Variants in TMBIM1 observed in about 807,000 individuals in gnomAD.
The protein encoded by TMBIM1 is transmembrane BAX inhibitor motif containing 1.
Under a neutral mutation model 45.1 loss-of-function variants are expected in TMBIM1, and 34 were observed. That is an observed-to-expected ratio of 0.75 (90% CI 0.57 to 1.00). The LOEUF (loss-of-function observed/expected upper bound fraction) is 1.00, where lower values mean the gene tolerates loss of function less well. Among genes scored for constraint, TMBIM1 ranks in the 50% least tolerant of loss-of-function variants. The probability of loss-of-function intolerance (pLI) is 0.00; values close to 1 mark genes in which losing one functional copy is unlikely to be tolerated. For synonymous variants in TMBIM1, 157 were observed against 153.5 expected (o/e 1.02, Z -0.17); for missense variants, 374 against 402.4 (o/e 0.93, Z 0.60).
intron 4 of TMBIM1, 26 bp from the exon 5 acceptor site, chr2:218,279,117 A>C (rs371708041): frequency 4.3e-6 from 7 of 1,613,808 alleles, no homozygotes; most frequent in Non-Finnish European, 4.2e-6. Flanking sequence ...GGACAGGAGT[A>C]GTCACCCTGA....
intron 2 of TMBIM1, chr2:218,281,130 T>TGTTTTTTTTTTTGG (rs1553658814): frequency 2.6e-5 from 3 of 117,346 alleles, no homozygotes; most frequent in Admixed American, 9.1e-5. Context: ...TTGTTTTTTG[T>TGTTTTTTTTTTTGG]TTTTTTTTTG....
chr2:218,279,391 A>G (rs781713844), intron 3 of TMBIM1, 38 bp from the exon 4 acceptor site: 3 of 1,511,640 alleles, frequency 2.0e-6, no homozygotes, highest in Non-Finnish European at 2.7e-6. Context: ...ACCATCCGGC[A>G]CCCCTGGCCT....
intron 1 of TMBIM1, among the ~76,000 whole-genome samples, chr2:218,284,953 G>A (rs1240587894): frequency 1.3e-5 from 2 of 152,194 alleles, no homozygotes; most frequent in Non-Finnish European, 2.9e-5. Flanking sequence ...AGCTGGGCAT[G>A]GCAGCAGGCG....
intron 6 of TMBIM1, 61 bp downstream of exon 6, chr2:218,278,454 T>C: frequency 4.6e-6 from 7 of 1,532,384 alleles, no homozygotes; most frequent in Non-Finnish European, 6.3e-6. Flanking sequence ...CTTTCCAAAA[T>C]ACTCGGCCCC....
chr2:218,291,788 T>G (rs1692944828), intron 1 of TMBIM1, among the ~76,000 whole-genome samples: 1 of 150,622 alleles, frequency 6.6e-6, no homozygotes, highest in South Asian at 2.1e-4. Flanking sequence ...ACGAGGAGGA[T>G]GTTACTCCCC....
rs868124955 is a variant in TMBIM1, at chr2:218,274,586, C to T, written c.*889G>A. 6.4e-6 allele frequency: 1 copy of T among 155,344 alleles called. No homozygotes were observed. Among genetic ancestry groups the T allele is most frequent in the Non-Finnish European group, 1.5e-5 (1 of 68,364 alleles). 9.6% of individuals were successfully genotyped at this position (155,344 alleles called of 1,614,324 possible). On this transcript the variant is annotated 3_prime_UTR_variant, in exon 12 of 12. Coordinates refer to ENST00000258412, the MANE Select transcript of TMBIM1 (RefSeq NM_022152.6). ...CCCCCAGGCATTCTCCCTGCCCGCA[C>T]CGAGTCTCTCTTCACCCTGGCTACT... is the stretch of plus-strand genomic sequence containing the variant.
In TMBIM1 at chr2:218,274,967, T is replaced by C. The variant is rs1691053173; in HGVS notation, c.*508A>G. On this transcript the variant is annotated 3_prime_UTR_variant, in exon 12 of 12. Coordinates refer to ENST00000258412, the MANE Select transcript of TMBIM1 (RefSeq NM_022152.6). ...TCTTCTACCTTCCTGAGCTAAAAGA[T>C]GCCAAGCCAAAGGAATACAGGATAA... is the stretch of plus-strand genomic sequence containing the variant. The C allele has an allele frequency of 6.5e-6, 1 of 153,328 alleles. No homozygotes were observed. Among genetic ancestry groups the C allele is most frequent in the Non-Finnish European group, 1.5e-5 (1 of 68,486 alleles). 9.5% of individuals were successfully genotyped at this position (153,328 alleles called of 1,614,324 possible).
chr2:218,279,217 C>A, intron 4 of TMBIM1, 72 bp downstream of exon 4: 8 of 1,554,252 alleles, frequency 5.1e-6, no homozygotes, highest in Non-Finnish European at 7.0e-6. Context: ...GGCCCACCGC[C>A]ACCCACACCC....
In TMBIM1 at chr2:218,275,322, CAG is replaced by C. The variant is rs745666436; in HGVS notation, c.*151_*152del. ...CACCAAGTACCCACACATCCATAGC[CAG>C]AGAGGCCACCTGTCTCCAGGACAGA... On this transcript the variant is annotated 3_prime_UTR_variant, in exon 12 of 12. Transcript: ENST00000258412. 7.4e-4 allele frequency: 765 copies of C among 1,040,296 alleles called. No individual in the cohort carries two copies. The highest frequency in any genetic ancestry group is 1.0e-3 in the Non-Finnish European group (748 of 748,712). The allele number at this position is 1,040,296 out of a possible 1,614,324, so 64.4% of individuals were successfully genotyped here.
chr2:218,280,888 C>G (rs1391622746), intron 2 of TMBIM1: 1 of 149,650 alleles, frequency 6.7e-6, no homozygotes, highest in African/African-American at 2.5e-5. Context: ...CTCGGCTCAC[C>G]GCAACCTCCA....
intron 2 of TMBIM1, chr2:218,280,497 AAAG>A (rs1691795230): frequency 3.6e-6 from 1 of 278,832 alleles, no homozygotes; most frequent in Non-Finnish European, 7.1e-6. Context: ...GGGTAGGAGA[AAAG>A]GAGGGCGGCA....
Position 218,275,412 on chromosome 2 carries a change from A to G in TMBIM1, c.*63T>C. On this transcript the variant is annotated 3_prime_UTR_variant, in exon 12 of 12. Coordinates refer to ENST00000258412, the MANE Select transcript of TMBIM1 (RefSeq NM_022152.6). Reference sequence around the variant, plus strand: ...GGCCTAAAGCCCAGACCACAGTCATAGGGCCCAGCCCTCTAGCTTGGAAGG... The same window carrying G: ...GGCCTAAAGCCCAGACCACAGTCATGGGGCCCAGCCCTCTAGCTTGGAAGG... 7.1e-6 allele frequency: 11 copies of G among 1,555,320 alleles called. No individual in the cohort carries two copies. In the South Asian group the frequency reaches 1.1e-4, roughly 16 times the overall value.
intron 2 of TMBIM1, 55 bp downstream of exon 2, chr2:218,281,885 C>G: frequency 6.9e-7 from 1 of 1,450,918 alleles, no homozygotes; most frequent in Non-Finnish European, 9.4e-7. Context: ...GTGGCCTCAT[C>G]TGCTCCAAGT....
At chr2:218,291,598 G>A (rs1281361797) in intron 1 of TMBIM1, among the ~76,000 whole-genome samples, 1 of 152,142 alleles carries the variant, frequency 6.6e-6, no homozygotes, top group East Asian at 1.9e-4. Flanking sequence ...ACAGAGGAGG[G>A]AGAGGAGATG....
intron 6 of TMBIM1, 142 bp downstream of exon 6, chr2:218,278,373 C>T (rs931621900): frequency 8.6e-5 from 72 of 841,070 alleles, no homozygotes; most frequent in Middle Eastern, 4.5e-4. Flanking sequence ...TACACCTGAA[C>T]AGTAGCTGTC....
intron 11 of TMBIM1, 87 bp downstream of exon 11, chr2:218,275,939 C>A: frequency 6.8e-7 from 1 of 1,470,810 alleles, no homozygotes; most frequent in Non-Finnish European, 9.3e-7. Flanking sequence ...TTCCCTGCCT[C>A]CCAGGCAGTC....
At position 218,277,377 on chromosome 2, in the gene TMBIM1, A is replaced by C; in HGVS notation, c.628T>G (p.Phe210Val). 1.2e-6 allele frequency: 2 copies of C among 1,614,146 alleles called. No individual in the cohort carries two copies. The highest frequency in any genetic ancestry group is 1.7e-6 in the Non-Finnish European group (2 of 1,180,006). The change falls in exon 9 of 12, where the codon TTT becomes GTT. Residue 210 changes from phenylalanine (F) to valine (V), a missense_variant. Phe to Val is a conservative substitution (Grantham distance 50). Transcript: ENST00000258412. ...VVSISVTIFC[F>V]QTKVDFTSCT... The stretch of plus-strand genomic sequence containing the variant: ...CTCCATGCCCTCACCTTGGTCTGAA[A>C]GCAGAAGATGGTGACTGAAATGGAT...
chr2:218,276,341 C>G (rs968699184), intron 10 of TMBIM1, among the ~76,000 whole-genome samples: 2 of 152,148 alleles, frequency 1.3e-5, no homozygotes, highest in Non-Finnish European at 2.9e-5. Context: ...TACTATACTT[C>G]TAGAAAAAAA....
chr2:218,285,725 C>T (rs1007796692), intron 1 of TMBIM1: 1 of 152,640 alleles, frequency 6.6e-6, no homozygotes, highest in Non-Finnish European at 1.5e-5. Flanking sequence ...CCAGCATTAA[C>T]GCTAGCCAGG....
Sources: gnomAD v4.1 joint callset for allele counts (sites outside exome capture counted in the v4.1 genomes callset) on GRCh38, gnomAD v4.1.1 for gene constraint, MANE v1.5 for transcripts, NCBI Gene and HGNC (gene_info 2026-07-23, HGNC 2026-07-21) for gene names.